Variants in KLHL14 observed in about 807,000 individuals in gnomAD.
KLHL14 encodes the protein kelch like family member 14.
KLHL14 carries 22 observed loss-of-function variants against 64.3 expected under a neutral mutation model. That is an observed-to-expected ratio of 0.34 (90% confidence interval 0.24 to 0.49). The LOEUF is 0.49. Among genes scored for constraint, KLHL14 ranks in the 20% least tolerant of loss-of-function variants. The pLI is 0.99. For missense variants in KLHL14, 661 were observed against 789.0 expected (o/e 0.84, Z 1.94); for synonymous variants, 322 against 333.4 (o/e 0.97, Z 0.37).
At chr18:32,731,492 A>G (rs1158869470) in intron 3 of KLHL14, among the ~76,000 whole-genome samples, 1 of 144,062 alleles carries the variant, frequency 6.9e-6, no homozygotes, top group Non-Finnish European at 1.5e-5. Context: ...CTTGAGGGGG[A>G]GGGTGGGAGG....
intron 5 of KLHL14, among the ~76,000 whole-genome samples, chr18:32,686,156 C>T (rs894978820): frequency 4.7e-5 from 7 of 147,992 alleles, no homozygotes; most frequent in Non-Finnish European, 3.0e-5. Context: ...GGATTACAGG[C>T]GCTTGCCACT....
At chr18:32,771,088 G>T in intron 1 of KLHL14, 1 of 231,554 alleles carries the variant, frequency 4.3e-6, no homozygotes, top group South Asian at 3.6e-5. Context: ...GCTCAGAGGC[G>T]ACCGACGGCG....
chr18:32,707,907 G>A (rs2049998444), intron 3 of KLHL14, among the ~76,000 whole-genome samples: 1 of 152,122 alleles, frequency 6.6e-6, no homozygotes, highest in African/African-American at 2.4e-5. Flanking sequence ...ACTGAACCTG[G>A]GGGTGGTCTT....
chr18:32,733,328 A>C (rs2050145947), intron 3 of KLHL14, among the ~76,000 whole-genome samples: 1 of 151,802 alleles, frequency 6.6e-6, no homozygotes, highest in Non-Finnish European at 1.5e-5. Flanking sequence ...AAATATAAAG[A>C]ATATTAGATG....
intron 3 of KLHL14, among the ~76,000 whole-genome samples, chr18:32,706,592 T>C (rs2049991710): frequency 6.6e-6 from 1 of 152,208 alleles, no homozygotes; most frequent in Non-Finnish European, 1.5e-5. Context: ...AATCTAAAGA[T>C]ACATACCGGG....
chr18:32,742,174 T>A, intron 2 of KLHL14, 125 bp from the exon 3 acceptor site: 1 of 1,137,170 alleles, frequency 8.8e-7, no homozygotes. Context: ...TTTTCCTGTT[T>A]CTTCCCCCAT....
intron 2 of KLHL14, among the ~76,000 whole-genome samples, chr18:32,753,143 T>C (rs1442806741): frequency 1.3e-5 from 2 of 152,196 alleles, no homozygotes; most frequent in Non-Finnish European, 2.9e-5. Flanking sequence ...ATACCTAACT[T>C]ATTATAAATG....
chr18:32,735,125 T>C (rs978405397), intron 3 of KLHL14, among the ~76,000 whole-genome samples: 33 of 152,234 alleles, frequency 2.2e-4, no homozygotes, highest in Admixed American at 1.8e-3. Flanking sequence ...TCTATGAACA[T>C]GGTACTACCT....
intron 3 of KLHL14, among the ~76,000 whole-genome samples, chr18:32,730,647 C>T (rs1361760327): frequency 6.6e-6 from 1 of 152,160 alleles, no homozygotes; most frequent in Non-Finnish European, 1.5e-5. Flanking sequence ...TAAAGCATCG[C>T]TTTGTCTAGT....
intron 2 of KLHL14, among the ~76,000 whole-genome samples, chr18:32,749,324 C>T (rs988588902): frequency 2.0e-5 from 3 of 152,182 alleles, no homozygotes; most frequent in Non-Finnish European, 4.4e-5. Flanking sequence ...AGGTTAATTA[C>T]AAGTTAAGAG....
chr18:32,730,404 T>A lies in KLHL14; in HGVS notation c.1069+11524A>T, dbSNP rs563404424. ...AATGACTGAACCATTAAAACAAAAA[T>A]CTCATGTACTCTGTGTTCAGGTAGG... is the stretch of plus-strand genomic sequence containing the variant. On this transcript the variant is annotated intron_variant, in intron 3 of 8. Coordinates refer to ENST00000359358, the MANE Select transcript of KLHL14 (RefSeq NM_020805.3). 1.0e-3 allele frequency among the ~76,000 whole-genome samples: 156 copies of A among 152,242 alleles called. 2 individuals carry two copies. The South Asian group carries it at 0.032, about 31-fold the overall frequency.
At chr18:32,678,618 G>A (rs147877114) in intron 7 of KLHL14, among the ~76,000 whole-genome samples, 215 of 152,232 alleles carry the variant, frequency 1.4e-3, no homozygotes, top group Middle Eastern at 0.014. Flanking sequence ...AGATATATGT[G>A]CCTTCTCTGT....
At chr18:32,686,695 TTATC>T (rs1354652385) in intron 5 of KLHL14, among the ~76,000 whole-genome samples, 1 of 152,136 alleles carries the variant, frequency 6.6e-6, no homozygotes, top group Non-Finnish European at 1.5e-5. Flanking sequence ...TCATATCTAA[TTATC>T]TAAATATCTA....
intron 2 of KLHL14, among the ~76,000 whole-genome samples, chr18:32,757,713 T>A (rs574259057): frequency 1.4e-4 from 22 of 152,296 alleles, no homozygotes; most frequent in Non-Finnish European, 2.5e-4. Context: ...AAATGAAAGA[T>A]TTGCTTATCC....
intron 2 of KLHL14, among the ~76,000 whole-genome samples, chr18:32,762,715 T>C (rs937806887): frequency 1.3e-5 from 2 of 152,034 alleles, no homozygotes; most frequent in Non-Finnish European, 2.9e-5. Flanking sequence ...CAAAATAGTG[T>C]TTTTTTGTTT....
intron 2 of KLHL14, among the ~76,000 whole-genome samples, chr18:32,759,505 T>G (rs575241688): frequency 6.6e-6 from 1 of 152,334 alleles, no homozygotes; most frequent in Non-Finnish European, 1.5e-5. Flanking sequence ...TTTTAACATT[T>G]AGAATTGCCC....
chr18:32,760,979 C>A (rs917205302), intron 2 of KLHL14, among the ~76,000 whole-genome samples: 1 of 152,146 alleles, frequency 6.6e-6, no homozygotes, highest in Admixed American at 6.5e-5. Context: ...TCAGTGATAT[C>A]ATGAATATGT....
chr18:32,720,652 G>A (rs774962162), intron 3 of KLHL14, among the ~76,000 whole-genome samples: 90 of 151,770 alleles, frequency 5.9e-4, no homozygotes, highest in Non-Finnish European at 1.0e-3. Context: ...GATGACATGC[G>A]GCCAAACACT....
At chr18:32,684,095 C>A (rs2049858016) in intron 5 of KLHL14, among the ~76,000 whole-genome samples, 1 of 151,810 alleles carries the variant, frequency 6.6e-6, no homozygotes, top group Non-Finnish European at 1.5e-5. Flanking sequence ...CAAACATCAA[C>A]TTTTACTGAA....
Sources: gnomAD v4.1 joint callset for allele counts (sites outside exome capture counted in the v4.1 genomes callset) on GRCh38, gnomAD v4.1.1 for gene constraint, MANE v1.5 for transcripts, NCBI Gene and HGNC (gene_info 2026-07-23, HGNC 2026-07-21) for gene names.